Variants in RPSA2 observed in about 807,000 individuals in gnomAD.
RPSA2 encodes the protein small ribosomal subunit protein uS2B.
chr19:23,789,997 G>T, the RPSA2 span, among the ~76,000 whole-genome samples: 1 of 151,734 alleles, frequency 6.6e-6, no homozygotes, highest in South Asian at 2.1e-4. Context: ...TTTTTTGTAT[G>T]TATATATTTA....
the RPSA2 span, among the ~76,000 whole-genome samples, chr19:23,811,079 C>T: frequency 6.7e-6 from 1 of 148,744 alleles, no homozygotes; most frequent in Admixed American, 6.8e-5. Flanking sequence ...AATGCAGTGG[C>T]ACGATCTTGA....
At chr19:23,799,933 T>C in the RPSA2 span, among the ~76,000 whole-genome samples, 2 of 152,214 alleles carry the variant, frequency 1.3e-5, no homozygotes, top group Non-Finnish European at 2.9e-5. Flanking sequence ...CTATTTATGG[T>C]AACCATCTTT....
chr19:23,819,225 G>A, the RPSA2 span: 8 of 152,144 alleles, frequency 5.3e-5, no homozygotes, highest in Non-Finnish European at 7.3e-5. Context: ...GTCAGCTTCT[G>A]GGGTGACTAG....
chr19:23,796,289 G>T, the RPSA2 span, among the ~76,000 whole-genome samples: 3 of 152,152 alleles, frequency 2.0e-5, no homozygotes, highest in Non-Finnish European at 4.4e-5. Flanking sequence ...TGTGTATGTT[G>T]AACCAACCTT....
the RPSA2 span, among the ~76,000 whole-genome samples, chr19:23,847,476 A>T: frequency 6.6e-6 from 1 of 152,118 alleles, no homozygotes; most frequent in African/African-American, 2.4e-5. Context: ...CATGATGCCC[A>T]CCTGAGCCAC....
chr19:23,862,034 G>A, the RPSA2 span, among the ~76,000 whole-genome samples: 1 of 151,942 alleles, frequency 6.6e-6, no homozygotes, highest in Non-Finnish European at 1.5e-5. Context: ...CCATTTCTTT[G>A]TATCCTCTTT....
At chr19:23,843,745 T>A in the RPSA2 span, among the ~76,000 whole-genome samples, 1 of 152,140 alleles carries the variant, frequency 6.6e-6, no homozygotes, top group African/African-American at 2.4e-5. Flanking sequence ...TATTGTCTTG[T>A]CTTTTCTTTT....
At chr19:23,760,884 C>T in the RPSA2 span, among the ~76,000 whole-genome samples, 4 of 151,148 alleles carry the variant, frequency 2.6e-5, no homozygotes, top group Admixed American at 6.6e-5. Context: ...AGGCTGGTCT[C>T]GAACTCCTGA....
the RPSA2 span, chr19:23,832,213 A>G: frequency 2.3e-6 from 1 of 430,278 alleles, no homozygotes. Context: ...CAGAAGAAAG[A>G]AACTCTACAA....
chr19:23,837,759 C>T, the RPSA2 span, among the ~76,000 whole-genome samples: 2 of 151,990 alleles, frequency 1.3e-5, no homozygotes, highest in Non-Finnish European at 2.9e-5. Flanking sequence ...CATTTGGTTG[C>T]TGTTGGTGAA....
At chr19:23,830,463 T>A in the RPSA2 span, among the ~76,000 whole-genome samples, 1 of 152,218 alleles carries the variant, frequency 6.6e-6, no homozygotes, top group Non-Finnish European at 1.5e-5. Context: ...CACTTTTATC[T>A]TGCAGCTTCA....
chr19:23,835,198 T>G, the RPSA2 span, among the ~76,000 whole-genome samples: 52 of 97,500 alleles, frequency 5.3e-4, no homozygotes, highest in South Asian at 1.8e-3. Flanking sequence ...TTAATAAATA[T>G]TTTTATAAAT....
the RPSA2 span, chr19:23,833,012 T>A: frequency 1.4e-6 from 2 of 1,411,754 alleles, no homozygotes; most frequent in South Asian, 2.5e-5. Flanking sequence ...CAGTCTTCAA[T>A]TTTTGCTAAC....
the RPSA2 span, among the ~76,000 whole-genome samples, chr19:23,846,898 C>A: frequency 3.5e-4 from 53 of 152,268 alleles, no homozygotes; most frequent in Non-Finnish European, 5.9e-4. Context: ...ATATGTATGT[C>A]TAATTCTATT....
the RPSA2 span, among the ~76,000 whole-genome samples, chr19:23,841,889 A>G: frequency 2.6e-5 from 4 of 152,200 alleles, no homozygotes; most frequent in African/African-American, 7.2e-5. Context: ...ACCACGGCCT[A>G]TTCTTGACCA....
chr19:23,774,955 A>G, the RPSA2 span, among the ~76,000 whole-genome samples: 2 of 152,334 alleles, frequency 1.3e-5, no homozygotes, highest in Admixed American at 6.5e-5. Flanking sequence ...AGATTGTGAC[A>G]TATACCTTTG....
At chr19:23,827,774 A>G in the RPSA2 span, 20 of 1,589,358 alleles carry the variant, frequency 1.3e-5, no homozygotes, top group Non-Finnish European at 1.7e-5. Flanking sequence ...GTACTTCTAC[A>G]GAGATCCTGA....
At chr19:23,849,318 GGGATGCCAAAGAGGTAGAGGGGCATACCT>G in the RPSA2 span, among the ~76,000 whole-genome samples, 2 of 61,962 alleles carry the variant, frequency 3.2e-5, no homozygotes, top group Admixed American at 2.2e-4. Context: ...GAGGTGCCCA[GGGATGCCAAAGAGGTAGAGGGGCATACCT>G]GGATTGAGAA....
the RPSA2 span, among the ~76,000 whole-genome samples, chr19:23,839,171 C>G: frequency 1.4e-4 from 22 of 152,220 alleles, no homozygotes; most frequent in East Asian, 3.3e-3. Flanking sequence ...TTTTTAATTT[C>G]CATATTGATT....
Sources: allele counts gnomAD v4.1 joint callset (sites outside exome capture counted in the v4.1 genomes callset), GRCh38; gene constraint gnomAD v4.1.1; transcripts MANE v1.5; gene names NCBI Gene and HGNC (gene_info 2026-07-23, HGNC 2026-07-21).